Variants in EXD1 observed in about 807,000 individuals in gnomAD.
The protein encoded by EXD1 is piRNA biogenesis protein EXD1.
EXD1 carries 63 observed loss-of-function variants against 49.1 expected under a neutral mutation model. The ratio of observed to expected loss-of-function variants is 1.28; its 90% CI spans 1.05 to 1.58. EXD1 has a LOEUF of 1.58. Ranked by LOEUF, EXD1 falls within the 40% of genes most tolerant of loss-of-function variation. The probability of loss-of-function intolerance (pLI) is 0.00; values close to 1 mark genes in which losing one functional copy is unlikely to be tolerated. For synonymous variants in EXD1, 234 were observed against 239.2 expected (o/e 0.98, Z 0.20); for missense variants, 748 against 666.0 (o/e 1.12, Z -1.36).
At position 41,216,763 on chromosome 15, in the gene EXD1, A is replaced by C. The variant is rs749433037; in HGVS notation, c.293T>G (p.Met98Arg). Residue 98 changes from methionine (M) to arginine (R), a missense_variant, in exon 5 of 12, where the codon ATG (methionine) becomes AGG (arginine). Coordinates refer to ENST00000458580, the MANE Select transcript of EXD1 (RefSeq NM_001286441.2). ...ACATACATTTAGGTCTTCAACTTTC[A>C]TTTTCTCCATCCAGGTTCTTTCTGC... ...LHAERTWMEK[M>R]KVEDLNVCEP... The C allele has an allele frequency of 6.2e-6, 10 of 1,613,834 alleles. No homozygotes were observed. The highest frequency in any genetic ancestry group is 7.6e-6 in the Non-Finnish European group (9 of 1,180,026).
chr15:41,228,166 A>C (rs553270298), intron 1 of EXD1, among the ~76,000 whole-genome samples: 2 of 152,304 alleles, frequency 1.3e-5, no homozygotes, highest in South Asian at 2.1e-4. Context: ...TGTATTTAGA[A>C]ACTTAGATAA....
rs1254411536 is a variant in EXD1, at chr15:41,230,753, C to A, written c.-328G>T. 5.2e-6 allele frequency: 3 copies of A among 572,654 alleles called. No individual in the cohort carries two copies. The highest frequency in any genetic ancestry group is 9.2e-6 in the Non-Finnish European group (3 of 326,850). The allele number at this position is 572,654 out of a possible 1,614,324, so 35.5% of individuals were successfully genotyped here. On this transcript the variant is annotated 5_prime_UTR_variant, in exon 1 of 12. Coordinates refer to ENST00000458580, the MANE Select transcript of EXD1 (RefSeq NM_001286441.2). Reference sequence around the variant, plus strand: ...GCCCGCCCGGCCCAACGTCCAGTCTCGTCTGTTTCCCGAGGAGCCAATCAG... The same window carrying A: ...GCCCGCCCGGCCCAACGTCCAGTCTAGTCTGTTTCCCGAGGAGCCAATCAG...
chr15:41,199,730 G>C (rs371820651), intron 7 of EXD1, among the ~76,000 whole-genome samples: 13,006 of 32,348 alleles, frequency 0.4, 1,471 homozygotes, highest in East Asian at 0.58. Context: ...TATTATATAT[G>C]ATATATATGT....
chr15:41,213,596 C>G (rs1679031539), intron 6 of EXD1, among the ~76,000 whole-genome samples: 1 of 151,704 alleles, frequency 6.6e-6, no homozygotes, highest in Non-Finnish European at 1.5e-5. Flanking sequence ...GCTCACTGTA[C>G]CCTCCACCTC....
intron 2 of EXD1, among the ~76,000 whole-genome samples, 194 bp from the exon 3 acceptor site, chr15:41,220,092 T>C (rs2047063749): frequency 6.6e-6 from 1 of 151,418 alleles, no homozygotes; most frequent in African/African-American, 2.4e-5. Context: ...AAACAAGTAG[T>C]ATAAAAAAAC....
intron 7 of EXD1, among the ~76,000 whole-genome samples, chr15:41,199,637 T>G (rs2046675063): frequency 7.3e-6 from 1 of 136,094 alleles, no homozygotes; most frequent in South Asian, 2.2e-4. Flanking sequence ...GTGTTACATA[T>G]ATAAAATATA....
chr15:41,199,201 C>T (rs759150291), intron 7 of EXD1, among the ~76,000 whole-genome samples: 5 of 151,980 alleles, frequency 3.3e-5, no homozygotes, highest in Admixed American at 6.6e-5. Flanking sequence ...TCAGGTGATC[C>T]GCCTGCCTTG....
chr15:41,198,163 A>G (rs1476263649), intron 7 of EXD1, among the ~76,000 whole-genome samples: 1 of 152,152 alleles, frequency 6.6e-6, no homozygotes, highest in African/African-American at 2.4e-5. Context: ...AAAGTGAGTG[A>G]TAAGAGTGTT....
At chr15:41,199,423 C>CA (rs1252951076) in intron 7 of EXD1, among the ~76,000 whole-genome samples, 62 of 137,062 alleles carry the variant, frequency 4.5e-4, no homozygotes, top group East Asian at 1.0e-3. Flanking sequence ...AAGAGTCTTT[C>CA]AAAAAAAAAA....
In EXD1 at chr15:41,191,505, G is replaced by A. The variant is rs2046515955; in HGVS notation, c.801C>T (p.Ile267=). 2 of 1,613,818 alleles carry A rather than the reference G, an allele frequency of 1.2e-6. No homozygotes were observed. The highest frequency in any genetic ancestry group is 1.3e-5 in the African/African-American group (1 of 75,024). Residue 267 remains isoleucine, a synonymous_variant, in exon 10 of 12, where the codon ATC becomes ATT. Coordinates refer to ENST00000458580, the MANE Select transcript of EXD1 (RefSeq NM_001286441.2). ...NCITTLQESL[I]KHLQVAPKYL... ...ATTTAGGGGCTACTTGAAGGTGTTT[G>A]ATTAAACTCTCCTGCAAAGTAGTGA... is the stretch of plus-strand genomic sequence containing the variant.
At chr15:41,195,665 A>C in intron 9 of EXD1, 110 bp downstream of exon 9, 1 of 503,418 alleles carries the variant, frequency 2.0e-6, no homozygotes, top group Non-Finnish European at 2.9e-6. Flanking sequence ...TGGAGCACCA[A>C]AAAAAAAAAA....
chr15:41,196,782 G>A (rs761089818), intron 7 of EXD1, among the ~76,000 whole-genome samples: 2 of 151,918 alleles, frequency 1.3e-5, no homozygotes. Flanking sequence ...GGCCAGGCTG[G>A]TCTCAAACTC....
At chr15:41,229,709 G>A (rs767455149) in intron 1 of EXD1, among the ~76,000 whole-genome samples, 21 of 152,066 alleles carry the variant, frequency 1.4e-4, no homozygotes, top group Non-Finnish European at 2.4e-4. Context: ...CGGAAGTTTC[G>A]GTGAGCTGAG....
At chr15:41,214,549 G>C (rs1296322626) in intron 6 of EXD1, among the ~76,000 whole-genome samples, 4 of 151,486 alleles carry the variant, frequency 2.6e-5, no homozygotes, top group Admixed American at 2.6e-4. Flanking sequence ...CTCTGAAACT[G>C]CCAATGGCTT....
At chr15:41,229,068 C>G (rs1411288414) in intron 1 of EXD1, among the ~76,000 whole-genome samples, 1 of 152,268 alleles carries the variant, frequency 6.6e-6, no homozygotes, top group East Asian at 1.9e-4. Context: ...CTATCACAGC[C>G]ATATTCCAAC....
chr15:41,190,119 C>T lies in EXD1; in HGVS notation c.874G>A (p.Glu292Lys), dbSNP rs1284644043. Reference sequence around the variant, plus strand: ...GAAACAGGTCGGATGAACCATACTTCTGGATTTTCCTGGAGACAATAAAAC... The same window carrying T: ...GAAACAGGTCGGATGAACCATACTTTTGGATTTTCCTGGAGACAATAAAAC... ...KRQKLIQENP[E>K]VWFIRPVSPS... Residue 292 changes from glutamate to lysine, a missense_variant, in exon 11 of 12, where the codon GAA becomes AAA. Transcript: ENST00000458580. 1 of 1,614,068 alleles carries T rather than the reference C, an allele frequency of 6.2e-7. No individual in the cohort carries two copies. The highest frequency in any genetic ancestry group is 8.5e-7 in the Non-Finnish European group (1 of 1,179,986).
intron 8 of EXD1, 23 bp from the exon 9 acceptor site, chr15:41,195,878 T>C: frequency 6.2e-7 from 1 of 1,611,514 alleles, no homozygotes; most frequent in Non-Finnish European, 8.5e-7. Context: ...AAGGAAACAG[T>C]CATTAGAACC....
chr15:41,214,512 CAA>C (rs530843088), intron 6 of EXD1, among the ~76,000 whole-genome samples: 23 of 133,800 alleles, frequency 1.7e-4, no homozygotes, highest in African/African-American at 3.2e-4. Context: ...GACTCCATCT[CAA>C]AAAAAAAAAA....
intron 1 of EXD1, among the ~76,000 whole-genome samples, chr15:41,229,167 G>C (rs779637385): frequency 3.3e-5 from 5 of 152,148 alleles, no homozygotes; most frequent in Non-Finnish European, 5.9e-5. Context: ...GGTTAGACAA[G>C]TGCACGACAA....
Sources: allele counts gnomAD v4.1 joint callset (sites outside exome capture counted in the v4.1 genomes callset), GRCh38; gene constraint gnomAD v4.1.1; transcripts MANE v1.5; gene names NCBI Gene and HGNC (gene_info 2026-07-23, HGNC 2026-07-21).